Variants in WDFY4 observed in about 807,000 individuals in gnomAD.
The protein encoded by WDFY4 is WD repeat- and FYVE domain-containing protein 4.
Under a neutral mutation model 351.9 loss-of-function variants are expected in WDFY4, and 169 were observed. That is an observed-to-expected ratio of 0.48 (90% CI 0.42 to 0.55). The LOEUF (loss-of-function observed/expected upper bound fraction) is 0.55, where lower values mean the gene tolerates loss of function less well. Among genes scored for constraint, WDFY4 ranks in the 20% least tolerant of loss-of-function variants. WDFY4 has a pLI of 0.00. For missense variants in WDFY4, 3,803 were observed against 3,935.6 expected, an observed-to-expected ratio of 0.97 and a Z score of 0.90; for synonymous variants, 1,622 against 1,574.6, an observed-to-expected ratio of 1.03 and a Z score of -0.71.
chr10:48,804,026 A>G (rs1413096711), intron 25 of WDFY4, among the ~76,000 whole-genome samples: 1 of 152,244 alleles, frequency 6.6e-6, no homozygotes, highest in African/African-American at 2.4e-5. Context: ...AAAATTTAAC[A>G]GTCTTAGCTA....
chr10:48,787,898 TTCTTCTTCTTCTTCTTCTTCTTCTTC>T (rs2066500891), intron 20 of WDFY4, among the ~76,000 whole-genome samples: 12 of 29,488 alleles, frequency 4.1e-4, no homozygotes, highest in Middle Eastern at 0.011. Flanking sequence ...CTTCTCCTTC[TTCTTCTTCTTCTTCTTCTTCTTCTTC>T]TTCTTCTTCT....
intron 1 of WDFY4, among the ~76,000 whole-genome samples, chr10:48,693,610 T>C (rs2063253983): frequency 6.6e-6 from 1 of 152,182 alleles, no homozygotes; most frequent in South Asian, 2.1e-4. Flanking sequence ...CTGGGCAAAT[T>C]TGAACAGCCG....
At chr10:48,935,736 CAT>C (rs1335020184) in intron 47 of WDFY4, among the ~76,000 whole-genome samples, 1 of 152,178 alleles carries the variant, frequency 6.6e-6, no homozygotes, top group Non-Finnish European at 1.5e-5. Context: ...GCCCTGTAAT[CAT>C]ATTCTCTTAC....
chr10:48,698,782 T>C (rs1028114273), intron 1 of WDFY4, among the ~76,000 whole-genome samples: 2 of 152,210 alleles, frequency 1.3e-5, no homozygotes, highest in Non-Finnish European at 2.9e-5. Context: ...ACAGCCATGC[T>C]GTATCCGCCG....
chr10:48,909,779 C>A, intron 47 of WDFY4: 1 of 158,912 alleles, frequency 6.3e-6, no homozygotes, highest in Non-Finnish European at 1.4e-5. Flanking sequence ...GGCCCCACCT[C>A]CAACACTGGG....
At chr10:48,914,386 G>T (rs1838306308) in intron 47 of WDFY4, among the ~76,000 whole-genome samples, 1 of 152,208 alleles carries the variant, frequency 6.6e-6, no homozygotes, top group Admixed American at 6.5e-5. Context: ...GCCATAGATT[G>T]TCAGCAAACT....
At chr10:48,944,039 G>A (rs1018196492) in intron 49 of WDFY4, among the ~76,000 whole-genome samples, 3 of 152,228 alleles carry the variant, frequency 2.0e-5, no homozygotes, top group Non-Finnish European at 2.9e-5. Context: ...CACAGTGAAG[G>A]CACCTGATGC....
chr10:48,807,452 T>G lies in WDFY4; in HGVS notation c.4739-407T>G, dbSNP rs79150808. On this transcript the variant is annotated intron_variant, in intron 27 of 61. Transcript: ENST00000325239. ...TCCAAAAGCCTAGCCTGGGAGCAAGTTGAAAGCAGGAACAAAGAGAACAAA... is the reference window on the plus strand; with the variant it reads ...TCCAAAAGCCTAGCCTGGGAGCAAGGTGAAAGCAGGAACAAAGAGAACAAA... Among the ~76,000 whole-genome samples, 485 of 152,320 alleles carry G rather than the reference T, an allele frequency of 3.2e-3. 7 individuals are homozygous for G. The East Asian group carries it at 0.064, about 20-fold the overall frequency.
intron 11 of WDFY4, among the ~76,000 whole-genome samples, chr10:48,737,298 C>T (rs2132379806): frequency 6.6e-6 from 1 of 152,162 alleles, no homozygotes; most frequent in Non-Finnish European, 1.5e-5. Context: ...GTGTGGGCCA[C>T]CGTGCCTGGC....
chr10:48,803,829 T>C (rs370016123), intron 25 of WDFY4, among the ~76,000 whole-genome samples: 6 of 152,314 alleles, frequency 3.9e-5, no homozygotes, highest in African/African-American at 1.4e-4. Flanking sequence ...TGAAAAGAGC[T>C]GATCTCATCC....
rs146764092 is a variant in WDFY4 at position 48,724,427 on chromosome 10, G to A, written c.591+860G>A. On this transcript the variant is annotated intron_variant, in intron 5 of 61. Transcript: ENST00000325239. ...TTCTGGCAGGTTCCATTAACAGTGGGTTACCCTCTGAGCTGCATTTGTGGA... is the reference window on the plus strand; with the variant it reads ...TTCTGGCAGGTTCCATTAACAGTGGATTACCCTCTGAGCTGCATTTGTGGA... Among the ~76,000 whole-genome samples, 37 of 152,194 alleles carry A rather than the reference G, an allele frequency of 2.4e-4. No individual in the cohort carries two copies. In the East Asian group the frequency reaches 6.6e-3, roughly 27 times the overall value.
intron 35 of WDFY4, chr10:48,824,059 C>T: frequency 3.0e-6 from 3 of 985,428 alleles, no homozygotes; most frequent in Non-Finnish European, 3.6e-6. Flanking sequence ...GGAAGCCAAA[C>T]AGATGTTTGG....
intron 9 of WDFY4, among the ~76,000 whole-genome samples, chr10:48,732,721 C>T (rs936523414): frequency 2.9e-4 from 44 of 152,182 alleles, no homozygotes; most frequent in African/African-American, 1.1e-3. Context: ...CTGAAGAGGA[C>T]CCACTGCTGT....
At chr10:48,817,109 C>T (rs760205143) in intron 31 of WDFY4, 136 bp from the exon 32 acceptor site, 9 of 1,042,470 alleles carry the variant, frequency 8.6e-6, no homozygotes, top group Non-Finnish European at 1.2e-5. Flanking sequence ...GTGTCTGGTG[C>T]TAATCTGCAG....
intron 12 of WDFY4, among the ~76,000 whole-genome samples, chr10:48,751,739 G>A (rs2065189005): frequency 6.6e-6 from 1 of 152,148 alleles, no homozygotes; most frequent in South Asian, 2.1e-4. Flanking sequence ...CTTGCCTCCT[G>A]AAGTTTGATA....
intron 19 of WDFY4, among the ~76,000 whole-genome samples, chr10:48,785,187 G>A (rs1347917346): frequency 6.6e-6 from 1 of 152,044 alleles, no homozygotes; most frequent in Non-Finnish European, 1.5e-5. Flanking sequence ...AAGGGTTTTA[G>A]GGTTTTAAAA....
At chr10:48,697,004 G>A (rs537067896) in intron 1 of WDFY4, among the ~76,000 whole-genome samples, 1 of 152,364 alleles carries the variant, frequency 6.6e-6, no homozygotes, top group South Asian at 2.1e-4. Context: ...GCTGCTCTGG[G>A]TTGGCCTGGC....
Position 48,723,430 on chromosome 10 carries a change from C to G in WDFY4, c.457-3C>G, listed in dbSNP as rs1317116318. 6.5e-7 allele frequency: 1 copy of G among 1,549,314 alleles called. No individual in the cohort carries two copies. The highest frequency in any genetic ancestry group is 2.0e-5 in the Admixed American group (1 of 50,938). On this transcript the variant is annotated splice_polypyrimidine_tract_variant and splice_region_variant and intron_variant, in intron 4 of 61. Coordinates refer to ENST00000325239, the MANE Select transcript of WDFY4 (RefSeq NM_001394531.1). ...TGGGGTCACGTGTGCTCTTCTCTTG[C>G]AGGAGACGCTGGGCAGGGTTGCTGA...
intron 1 of WDFY4, among the ~76,000 whole-genome samples, chr10:48,696,855 C>T (rs550038548): frequency 6.6e-6 from 1 of 152,376 alleles, no homozygotes; most frequent in African/African-American, 2.4e-5. Context: ...TGTTGGCTTG[C>T]TTAATTCTTT....
Sources: gnomAD v4.1 joint callset for allele counts (sites outside exome capture counted in the v4.1 genomes callset) on GRCh38, gnomAD v4.1.1 for gene constraint, MANE v1.5 for transcripts, NCBI Gene and HGNC (gene_info 2026-07-23, HGNC 2026-07-21) for gene names.